The following INSC variants were observed in gnomAD, a reference collection of about 807,000 sequenced individuals.
The protein encoded by INSC is INSC spindle orientation adaptor protein.
A neutral mutation model predicts 58.6 loss-of-function variants in INSC; 67 were observed. That is an observed-to-expected ratio of 1.14 (90% CI 0.94 to 1.40). INSC has a LOEUF of 1.40. Ranked by LOEUF, INSC falls within the 40% of genes most tolerant of loss-of-function variation. INSC has a pLI of 0.00. For synonymous variants in INSC, 262 were observed against 276.1 expected (o/e 0.95, Z 0.51); for missense variants, 714 against 692.0 (o/e 1.03, Z -0.36).
At chr11:15,229,753 G>A (rs1589997371) in intron 9 of INSC, among the ~76,000 whole-genome samples, 1 of 150,722 alleles carries the variant, frequency 6.6e-6, no homozygotes, top group East Asian at 1.9e-4. Context: ...TAATGTGGTG[G>A]CAATTGTATT....
intron 2 of INSC, among the ~76,000 whole-genome samples, chr11:15,157,299 T>G (rs1848848646): frequency 6.6e-6 from 1 of 152,214 alleles, no homozygotes; most frequent in Non-Finnish European, 1.5e-5. Flanking sequence ...GCCAGGGACC[T>G]TACAAGCTCC....
chr11:15,250,066 C>T (rs1852634006), downstream of INSC, among the ~76,000 whole-genome samples: 1 of 152,204 alleles, frequency 6.6e-6, no homozygotes, highest in Admixed American at 6.5e-5. Context: ...GGACTGGGTT[C>T]TCAGGAAGCC....
chr11:15,253,547 A>G, the INSC span, among the ~76,000 whole-genome samples: 3 of 152,278 alleles, frequency 2.0e-5, no homozygotes, highest in East Asian at 5.8e-4. Context: ...CACATAAAGG[A>G]AACTTTATTA....
intron 6 of INSC, among the ~76,000 whole-genome samples, chr11:15,197,615 G>C (rs1325694215): frequency 4.6e-5 from 7 of 152,150 alleles, no homozygotes; most frequent in Non-Finnish European, 1.0e-4. Flanking sequence ...GCTTCTGGGA[G>C]AAAATGTGGG....
rs1404824758 is a variant in INSC at position 15,221,520 on chromosome 11, G to A, written c.863G>A (p.Ser288Asn). ...TTGGCCGACATCCTGACCGACAACA[G>A]CCACTCAGAGGCCACACGGGCTGAG... is the stretch of plus-strand genomic sequence containing the variant. ...LCLADILTDN[S>N]HSEATRAEAA... is the part of the protein sequence containing the mutation. The change falls in exon 8 of 13, where the codon AGC becomes AAC. Residue 288 changes from serine (S) to asparagine (N), a missense_variant. Physicochemically the swap from Ser to Asn is conservative, Grantham distance 46 (BLOSUM62 1). Transcript: ENST00000379556. 1.9e-6 allele frequency: 3 copies of A among 1,613,818 alleles called. No individual in the cohort carries two copies. Among genetic ancestry groups the A allele is most frequent in the Non-Finnish European group, 2.5e-6 (3 of 1,179,888 alleles).
intron 1 of INSC, among the ~76,000 whole-genome samples, chr11:15,142,505 C>G (rs1203281510): frequency 6.6e-6 from 1 of 152,240 alleles, no homozygotes; most frequent in Non-Finnish European, 1.5e-5. Context: ...AGAAACTTCC[C>G]ATGACCCCTT....
intron 1 of INSC, among the ~76,000 whole-genome samples, chr11:15,117,029 GC>G (rs1207041634): frequency 1.3e-4 from 19 of 148,812 alleles, no homozygotes; most frequent in African/African-American, 4.7e-4. Flanking sequence ...TGCAACCTCT[GC>G]CCCCCGGATT....
At chr11:15,202,996 G>A (rs1463606604) in intron 7 of INSC, among the ~76,000 whole-genome samples, 1 of 152,192 alleles carries the variant, frequency 6.6e-6, no homozygotes, top group Non-Finnish European at 1.5e-5. Context: ...TTTATTTTGT[G>A]CCAGGTGCTG....
intron 1 of INSC, among the ~76,000 whole-genome samples, chr11:15,116,940 CTTCCTTCT>C (rs1847741696): frequency 1.6e-5 from 2 of 121,422 alleles, no homozygotes; most frequent in Non-Finnish European, 3.3e-5. Context: ...TCCTTCCTTC[CTTCCTTCT>C]TTCCTTCCTT....
At chr11:15,148,669 G>A (rs925523300) in intron 1 of INSC, among the ~76,000 whole-genome samples, 1 of 152,162 alleles carries the variant, frequency 6.6e-6, no homozygotes, top group African/African-American at 2.4e-5. Context: ...ACACACTTAA[G>A]CATAATCACA....
At chr11:15,254,592 T>C in the INSC span, among the ~76,000 whole-genome samples, 1 of 152,336 alleles carries the variant, frequency 6.6e-6, no homozygotes, top group Admixed American at 6.5e-5. Context: ...ATAATGATAG[T>C]GCCTTAGGCA....
chr11:15,254,445 A>C, the INSC span, among the ~76,000 whole-genome samples: 3 of 152,186 alleles, frequency 2.0e-5, no homozygotes, highest in Non-Finnish European at 4.4e-5. Flanking sequence ...CAATCCCTTC[A>C]GAAAAGCTTT....
intron 7 of INSC, among the ~76,000 whole-genome samples, chr11:15,213,224 C>T (rs1169684346): frequency 6.6e-6 from 1 of 152,070 alleles, no homozygotes; most frequent in African/African-American, 2.4e-5. Context: ...CAGATCACTG[C>T]ACTCCAACCT....
chr11:15,123,868 C>T lies in INSC; in HGVS notation c.-46+8865C>T, dbSNP rs142356767. Among the ~76,000 whole-genome samples, 115 of 152,286 alleles carry T rather than the reference C, an allele frequency of 7.6e-4. 1 individual carries two copies. Among genetic ancestry groups the T allele is most frequent in the African/African-American group, 2.1e-3 (89 of 41,562 alleles). On this transcript the variant is annotated intron_variant, in intron 1 of 12. Coordinates refer to ENST00000379556, the MANE Select transcript of INSC (RefSeq NM_001042536.3). ...AAGACTCCTTGGAACAAATGATTCACATTTGTCAGGAGCTGTCAACCTCCT... is the reference window on the plus strand; with the variant it reads ...AAGACTCCTTGGAACAAATGATTCATATTTGTCAGGAGCTGTCAACCTCCT...
intron 6 of INSC, among the ~76,000 whole-genome samples, chr11:15,199,922 A>G (rs1279243006): frequency 6.6e-6 from 1 of 152,166 alleles, no homozygotes; most frequent in Non-Finnish European, 1.5e-5. Context: ...TAGTCATTCC[A>G]GTGATCTCTT....
At chr11:15,269,669 G>T in the INSC span, among the ~76,000 whole-genome samples, 1 of 151,878 alleles carries the variant, frequency 6.6e-6, no homozygotes, top group Admixed American at 6.6e-5. Flanking sequence ...ACATGATCTT[G>T]TCTATCTCTG....
intron 5 of INSC, among the ~76,000 whole-genome samples, chr11:15,189,292 C>T (rs147424073): frequency 1.6e-3 from 247 of 152,208 alleles, no homozygotes; most frequent in African/African-American, 5.8e-3. Flanking sequence ...TTTAGAAATC[C>T]TTTATATATA....
At chr11:15,147,996 G>A (rs1848536859) in intron 1 of INSC, among the ~76,000 whole-genome samples, 1 of 152,202 alleles carries the variant, frequency 6.6e-6, no homozygotes, top group African/African-American at 2.4e-5. Flanking sequence ...GGGCTTGGGG[G>A]AGTTGGCAGA....
Position 15,149,229 on chromosome 11 carries a change from C to A in INSC, c.55C>A (p.Arg19=). The A allele has an allele frequency of 6.2e-7, 1 of 1,603,506 alleles. No individual in the cohort carries two copies. The highest frequency in any genetic ancestry group is 8.5e-7 in the Non-Finnish European group (1 of 1,175,274). Residue 19 remains arginine (R), a splice_region_variant and synonymous_variant, in exon 2 of 13, where the codon CGG becomes AGG. Transcript: ENST00000379556. ...GGACTCCGTCACCCTGCCGGGTCAG[C>A]GGTAAGTCCTACAGCTGTCACTCCA... is the stretch of plus-strand genomic sequence containing the variant. ...HLDSVTLPGQ[R]LHLMQVDSVQ...
Sources: gnomAD v4.1 joint callset for allele counts (sites outside exome capture counted in the v4.1 genomes callset) on GRCh38, gnomAD v4.1.1 for gene constraint, MANE v1.5 for transcripts, NCBI Gene and HGNC (gene_info 2026-07-23, HGNC 2026-07-21) for gene names.